Variants in COX18 observed in about 807,000 individuals in gnomAD.
The protein encoded by COX18 is cytochrome c oxidase assembly protein COX18, mitochondrial.
COX18 carries 45 observed loss-of-function variants against 38.0 expected under a neutral mutation model. The ratio of observed to expected loss-of-function variants is 1.18; its 90% confidence interval spans 0.93 to 1.52. The LOEUF (loss-of-function observed/expected upper bound fraction) is 1.52. Among genes scored for constraint, COX18 ranks in the 40% most tolerant of loss-of-function variants. COX18 has a pLI of 0.00. For synonymous variants in COX18, 177 were observed against 169.8 expected, an observed-to-expected ratio of 1.04 and a Z score of -0.33; for missense variants, 462 against 423.8, an observed-to-expected ratio of 1.09 and a Z score of -0.79.
In COX18 at chr4:73,059,332, C is replaced by T. The variant is rs138947837; in HGVS notation, c.832-1045G>A. Among the ~76,000 whole-genome samples, 237 of 152,300 alleles carry T rather than the reference C, an allele frequency of 1.6e-3. 1 individual carries two copies. Among genetic ancestry groups the T allele is most frequent in the African/African-American group, 5.1e-3 (212 of 41,556 alleles). Reference sequence around the variant, plus strand: ...ATTTGACTTTGAGTAAGTTATTTTCCTTCTGTTCCAGTTTCCTCATCTGTA... The same window carrying T: ...ATTTGACTTTGAGTAAGTTATTTTCTTTCTGTTCCAGTTTCCTCATCTGTA... On this transcript the variant is annotated intron_variant, in intron 5 of 5. Coordinates refer to ENST00000507544, the MANE Select transcript of COX18 (RefSeq NM_001297732.2).
intron 2 of COX18, 38 bp from the exon 3 acceptor site, chr4:73,065,451 A>G: frequency 6.5e-7 from 1 of 1,545,876 alleles, no homozygotes; most frequent in Non-Finnish European, 8.9e-7. Context: ...GGAAAGAGAA[A>G]ATGTCATCTA....
intron 1 of COX18, 33 bp from the exon 2 acceptor site, chr4:73,068,162 T>C: frequency 1.5e-6 from 2 of 1,354,564 alleles, no homozygotes; most frequent in Non-Finnish European, 2.1e-6. Flanking sequence ...TATGAGCACA[T>C]AAAGGATCTT....
intron 5 of COX18, among the ~76,000 whole-genome samples, chr4:73,061,076 A>G (rs909991241): frequency 1.3e-5 from 2 of 152,090 alleles, no homozygotes; most frequent in African/African-American, 2.4e-5. Flanking sequence ...AAACATAACC[A>G]TTTCTTTTTC....
At chr4:73,067,960 GTGTGT>G in intron 2 of COX18, 64 bp downstream of exon 2, 1 of 109,388 alleles carries the variant, frequency 9.1e-6, no homozygotes, top group Non-Finnish European at 1.9e-5. Flanking sequence ...ATGTATGTGT[GTGTGT>G]GTGTGTGTGT....
At chr4:73,059,375 G>A (rs1720039719) in intron 5 of COX18, among the ~76,000 whole-genome samples, 1 of 152,198 alleles carries the variant, frequency 6.6e-6, no homozygotes, top group Non-Finnish European at 1.5e-5. Context: ...GACAGTAACT[G>A]CATCTACCTC....
rs757591175 is a variant in COX18 at position 73,053,943 on chromosome 4, C to T, written c.*4171G>A. On this transcript the variant is annotated 3_prime_UTR_variant, in exon 6 of 6. Transcript: ENST00000507544. ...CTCAGGTATCCTAATGGTATAAATA[C>T]TATAAATTGATCCAGGAGTGAGTCT... 1 of 152,172 alleles carries T rather than the reference C, an allele frequency of 6.6e-6. No individual in the cohort carries two copies. Among genetic ancestry groups the T allele is most frequent in the Non-Finnish European group, 1.5e-5 (1 of 68,034 alleles). The allele number at this position is 152,172 out of a possible 1,614,324, so 9.4% of individuals were successfully genotyped here. A position where few individuals can be genotyped will look rare whatever the true frequency, so the allele number is the denominator to read the frequency against.
rs1719798588 is a variant in COX18 at position 73,053,539 on chromosome 4, G to GC, written c.*4574dup. 6.6e-6 allele frequency: 1 copy of GC among 152,132 alleles called. No homozygotes were observed. Among genetic ancestry groups the GC allele is most frequent in the African/African-American group, 2.4e-5 (1 of 41,402 alleles). 9.4% of individuals were successfully genotyped at this position (152,132 alleles called of 1,614,324 possible). A position where few individuals can be genotyped will look rare whatever the true frequency, so the allele number is the denominator to read the frequency against. ...GCCTGCCCACCAGACACCCAATCTT[G>GC]CAAGACTGCCATTAAAAGTCTTGCT... is the stretch of plus-strand genomic sequence containing the variant. On this transcript the variant is annotated 3_prime_UTR_variant, in exon 6 of 6. Coordinates refer to ENST00000507544, the MANE Select transcript of COX18 (RefSeq NM_001297732.2).
At chr4:73,066,070 T>C (rs1360466765) in intron 2 of COX18, among the ~76,000 whole-genome samples, 1 of 152,220 alleles carries the variant, frequency 6.6e-6, no homozygotes, top group Non-Finnish European at 1.5e-5. Flanking sequence ...TCTTTAAATC[T>C]CCTGTATCAT....
At chr4:73,069,082 C>T (rs994695886) in intron 1 of COX18, among the ~76,000 whole-genome samples, 7 of 152,160 alleles carry the variant, frequency 4.6e-5, no homozygotes, top group Admixed American at 2.6e-4. Context: ...AGCACAAATC[C>T]AGTAAGACAA....
intron 2 of COX18, 145 bp downstream of exon 2, chr4:73,067,884 T>TATATATATATATATATATAA (rs1289365401): frequency 1.8e-5 from 2 of 109,670 alleles, no homozygotes; most frequent in East Asian, 5.6e-4. Flanking sequence ...TATATATATA[T>TATATATATATATATATATAA]AAAAAAAGAA....
chr4:73,062,001 TTTTCA>T, intron 4 of COX18, 81 bp from the exon 5 acceptor site: 4 of 584,930 alleles, frequency 6.8e-6, no homozygotes, highest in South Asian at 2.3e-5. Flanking sequence ...ATAAACTGAT[TTTTCA>T]CTGGCCTCCA....
At chr4:73,059,367 C>T (rs537121900) in intron 5 of COX18, among the ~76,000 whole-genome samples, 1 of 152,308 alleles carries the variant, frequency 6.6e-6, no homozygotes, top group African/African-American at 2.4e-5. Context: ...AAAGTGGGGA[C>T]AGTAACTGCA....
chr4:73,066,986 C>T (rs891197772), intron 2 of COX18, among the ~76,000 whole-genome samples: 8 of 152,090 alleles, frequency 5.3e-5, no homozygotes, highest in African/African-American at 1.2e-4. Flanking sequence ...AATAATTTTT[C>T]GCAGTCTAGT....
In COX18 at chr4:73,056,205, T is replaced by C. The variant is rs951986584; in HGVS notation, c.*1909A>G. On this transcript the variant is annotated 3_prime_UTR_variant, in exon 6 of 6. Transcript: ENST00000507544. ...TTATAGCCTTCTCAAATACCTGCCA[T>C]ACTTGATATCTCAACCAGAGCTAAT... The C allele has an allele frequency of 3.9e-5, 6 of 152,244 alleles. No individual in the cohort carries two copies. Among genetic ancestry groups the C allele is most frequent in the Non-Finnish European group, 5.9e-5 (4 of 68,036 alleles). 9.4% of individuals were successfully genotyped at this position (152,244 alleles called of 1,614,324 possible). A position where few individuals can be genotyped will look rare whatever the true frequency, so the allele number is the denominator to read the frequency against.
At position 73,065,499 on chromosome 4, in the gene COX18, G is replaced by C. The variant is rs1334709588; in HGVS notation, c.435-86C>G. The C allele has an allele frequency of 6.8e-6, 8 of 1,170,286 alleles. No homozygotes were observed. The African/African-American group carries it at 1.1e-4, about 16-fold the overall frequency. The allele number at this position is 1,170,286 out of a possible 1,614,324, so 72.5% of individuals were successfully genotyped here. A position where few individuals can be genotyped will look rare whatever the true frequency, so the allele number is the denominator to read the frequency against. ...TATTTCCATAGCACAAATAGCGCCT[G>C]CTGTAGTTATTAGCTAAAGGATTTG... On this transcript the variant is annotated intron_variant, in intron 2 of 5. Coordinates refer to ENST00000507544, the MANE Select transcript of COX18 (RefSeq NM_001297732.2).
In COX18 at chr4:73,058,149, C is replaced by A; in HGVS notation, c.970G>T (p.Ala324Ser). Residue 324 changes from alanine to serine, a missense_variant, in exon 6 of 6, where the codon GCT (alanine) becomes TCT (serine). Physicochemically the swap from Ala to Ser is moderately conservative, Grantham distance 99. Transcript: ENST00000507544. ...DSETPYKDIF[A>S]AFNTKFISRK is the part of the protein sequence containing the mutation. The stretch of plus-strand genomic sequence containing the variant: ...GAAATGAACTTGGTATTAAAGGCAG[C>A]AAATATGTCTTTATAAGGAGTTTCT... 1 of 1,606,422 alleles carries A rather than the reference C, an allele frequency of 6.2e-7. No individual in the cohort carries two copies. Among genetic ancestry groups the A allele is most frequent in the South Asian group, 1.1e-5 (1 of 89,166 alleles).
chr4:73,065,236 C>G lies in COX18; in HGVS notation c.598+14G>C. 6.8e-7 allele frequency: 1 copy of G among 1,472,522 alleles called. No homozygotes were observed. The highest frequency in any genetic ancestry group is 9.3e-7 in the Non-Finnish European group (1 of 1,075,564). 91.2% of individuals were successfully genotyped at this position (1,472,522 alleles called of 1,614,324 possible). ...GTTAGAGAACTTCTTTGGGAGAAGACATACAATAATTACCTTCTGAATGTG... is the reference window on the plus strand; with the variant it reads ...GTTAGAGAACTTCTTTGGGAGAAGAGATACAATAATTACCTTCTGAATGTG... On this transcript the variant is annotated intron_variant, in intron 3 of 5. Coordinates refer to ENST00000507544, the MANE Select transcript of COX18 (RefSeq NM_001297732.2).
At chr4:73,063,344 T>C (rs1435391781) in intron 4 of COX18, among the ~76,000 whole-genome samples, 3 of 151,844 alleles carry the variant, frequency 2.0e-5, no homozygotes, top group Non-Finnish European at 4.4e-5. Flanking sequence ...AAAAACACAA[T>C]GCCTTGCACA....
intron 2 of COX18, among the ~76,000 whole-genome samples, chr4:73,067,190 A>G (rs1720488425): frequency 6.6e-6 from 1 of 152,232 alleles, no homozygotes; most frequent in Admixed American, 6.5e-5. Context: ...AAGTGTTTCT[A>G]CTGTGGCACT....
Sources: gnomAD v4.1 joint callset for allele counts (sites outside exome capture counted in the v4.1 genomes callset) on GRCh38, gnomAD v4.1.1 for gene constraint, MANE v1.5 for transcripts, NCBI Gene and HGNC (gene_info 2026-07-23, HGNC 2026-07-21) for gene names.